The following THADA variants were observed in gnomAD, a reference collection of about 807,000 sequenced individuals.
THADA encodes tRNA (32-2'-O)-methyltransferase regulator THADA.
Under a neutral mutation model 219.8 loss-of-function variants are expected in THADA, and 213 were observed. That is an observed-to-expected ratio of 0.97 (90% CI 0.87 to 1.09). The LOEUF is 1.09. THADA is among the 50% of genes least tolerant of loss of function. THADA has a pLI of 0.00. For missense variants in THADA, 2,956 were observed against 2,311.3 expected (o/e 1.28, Z -5.72); for synonymous variants, 1,018 against 828.9 (o/e 1.23, Z -3.92).
rs1170878531 is a variant in THADA, at chr2:43,552,201, T to C, written c.2810+3A>G. ...GACAGGAGGCAGCTGTGGAAATCCT[T>C]ACTTTAGAGATAACTTCTGCAAAGC... is the stretch of plus-strand genomic sequence containing the variant. On this transcript the variant is annotated splice_donor_region_variant and intron_variant, in intron 18 of 37. Transcript: ENST00000405975. 1.9e-6 allele frequency: 3 copies of C among 1,605,180 alleles called. No individual in the cohort carries two copies. Among genetic ancestry groups the C allele is most frequent in the Non-Finnish European group, 2.5e-6 (3 of 1,176,874 alleles).
At chr2:43,489,010 T>C (rs1553461399) in intron 25 of THADA, among the ~76,000 whole-genome samples, 1 of 152,198 alleles carries the variant, frequency 6.6e-6, no homozygotes, top group Non-Finnish European at 1.5e-5. Flanking sequence ...TGGGTTGTCG[T>C]TTATTATTGA....
At chr2:43,588,346 ATTACAG>A (rs1160407048) in intron 4 of THADA, among the ~76,000 whole-genome samples, 1 of 152,060 alleles carries the variant, frequency 6.6e-6, no homozygotes, top group African/African-American at 2.4e-5. Flanking sequence ...ATAATCTTGT[ATTACAG>A]AAAGCACATA....
intron 31 of THADA, among the ~76,000 whole-genome samples, chr2:43,293,730 C>T (rs1468881335): frequency 6.6e-6 from 1 of 152,158 alleles, no homozygotes; most frequent in Non-Finnish European, 1.5e-5. Context: ...TTGAGGCTCC[C>T]AATGACAGCT....
chr2:43,390,542 TCTC>T (rs1312194480), intron 29 of THADA, among the ~76,000 whole-genome samples: 2 of 152,182 alleles, frequency 1.3e-5, no homozygotes, highest in African/African-American at 4.8e-5. Context: ...ACTGCCCTCC[TCTC>T]CTATCTATTC....
intron 25 of THADA, among the ~76,000 whole-genome samples, chr2:43,497,710 C>T (rs1688440434): frequency 6.6e-6 from 1 of 152,084 alleles, no homozygotes; most frequent in South Asian, 2.1e-4. Flanking sequence ...CATAGTGAAA[C>T]CCTCTCTCTA....
intron 26 of THADA, among the ~76,000 whole-genome samples, chr2:43,464,971 C>A (rs528215336): frequency 1.3e-5 from 2 of 151,956 alleles, no homozygotes; most frequent in Admixed American, 6.6e-5. Context: ...AAAACCCTGC[C>A]GGCAAAGACC....
intron 30 of THADA, among the ~76,000 whole-genome samples, chr2:43,336,397 G>A (rs1280797959): frequency 3.3e-5 from 5 of 151,728 alleles, no homozygotes; most frequent in Admixed American, 1.3e-4. Flanking sequence ...TCAGCCTCCC[G>A]AGTAGCTGGG....
At position 43,273,038 on chromosome 2, in the gene THADA, C is replaced by A. The variant is rs183757600; in HGVS notation, c.5296+6727G>T. Among the ~76,000 whole-genome samples, 220 of 152,034 alleles carry A rather than the reference C, an allele frequency of 1.4e-3. 1 individual carries two copies. The highest frequency in any genetic ancestry group is 5.0e-3 in the African/African-American group (208 of 41,504). On this transcript the variant is annotated intron_variant, in intron 36 of 37. Coordinates refer to ENST00000405975, the MANE Select transcript of THADA (RefSeq NM_022065.5). ...CCAAGGCGGGCAGATTACTTGAGGTCAGGAGTTCAAGACCAGCCTGGGCAA... is the reference window on the plus strand; with the variant it reads ...CCAAGGCGGGCAGATTACTTGAGGTAAGGAGTTCAAGACCAGCCTGGGCAA...
At chr2:43,300,871 C>T (rs564757894) in intron 31 of THADA, among the ~76,000 whole-genome samples, 1 of 152,304 alleles carries the variant, frequency 6.6e-6, no homozygotes, top group African/African-American at 2.4e-5. Flanking sequence ...GGACTGCTGC[C>T]TCGACCTCAC....
intron 21 of THADA, among the ~76,000 whole-genome samples, chr2:43,536,370 C>G (rs1026524419): frequency 2.0e-5 from 3 of 152,080 alleles, no homozygotes; most frequent in African/African-American, 7.2e-5. Flanking sequence ...ATTTTGAAGT[C>G]TGGTAGTATG....
At chr2:43,324,634 A>G (rs1425064954) in intron 30 of THADA, among the ~76,000 whole-genome samples, 2 of 152,176 alleles carry the variant, frequency 1.3e-5, no homozygotes, top group Non-Finnish European at 2.9e-5. Context: ...AATTTTTTTC[A>G]TTCTTTTTCT....
intron 30 of THADA, among the ~76,000 whole-genome samples, chr2:43,339,429 T>G (rs1259077588): frequency 1.3e-5 from 2 of 152,140 alleles, no homozygotes; most frequent in African/African-American, 4.8e-5. Flanking sequence ...TACAGGCGTG[T>G]GCCACCACTC....
At chr2:43,514,571 CATATATGTATATTTT>C (rs989529051) in intron 22 of THADA, among the ~76,000 whole-genome samples, 39 of 103,664 alleles carry the variant, frequency 3.8e-4, no homozygotes, top group Admixed American at 1.6e-3. Context: ...ATATACATAA[CATATATGTATATTTT>C]ATATATGTAT....
chr2:43,578,146 T>C (rs1192368809), intron 9 of THADA, among the ~76,000 whole-genome samples: 1 of 151,696 alleles, frequency 6.6e-6, no homozygotes. Context: ...TCTTTAAAAA[T>C]ATTTTTAATT....
chr2:43,378,958 A>G (rs1252210648), intron 29 of THADA, among the ~76,000 whole-genome samples: 3 of 152,278 alleles, frequency 2.0e-5, no homozygotes, highest in African/African-American at 7.2e-5. Flanking sequence ...GACAACCTCA[A>G]CTGGAGGATA....
Position 43,541,151 on chromosome 2 carries a change from T to G in THADA, c.3264+8A>C, listed in dbSNP as rs1465426154. 1 of 1,540,196 alleles carries G rather than the reference T, an allele frequency of 6.5e-7. No individual in the cohort carries two copies. The highest frequency in any genetic ancestry group is 2.4e-5 in the East Asian group (1 of 41,766). On this transcript the variant is annotated splice_region_variant and intron_variant, in intron 21 of 37. Transcript: ENST00000405975. ...AATTATACATGGTGGAATAAACATG[T>G]GCCTTACCTGCTCCACCGTCAATAA...
intron 21 of THADA, among the ~76,000 whole-genome samples, chr2:43,533,821 T>A (rs549057782): frequency 1.3e-5 from 2 of 152,244 alleles, no homozygotes; most frequent in Admixed American, 1.3e-4. Context: ...GACAGGTTGA[T>A]AGGTGCAGCA....
At chr2:43,572,296 C>T (rs1048618736) in intron 12 of THADA, among the ~76,000 whole-genome samples, 1 of 152,146 alleles carries the variant, frequency 6.6e-6, no homozygotes. Flanking sequence ...TTAGTAAAAC[C>T]AGCTGGTGCC....
At chr2:43,332,695 C>A (rs1342908900) in intron 30 of THADA, among the ~76,000 whole-genome samples, 2 of 152,210 alleles carry the variant, frequency 1.3e-5, no homozygotes, top group Non-Finnish European at 2.9e-5. Flanking sequence ...AGCCTGCACT[C>A]CCTTGCAAGC....
Sources: gnomAD v4.1 joint callset for allele counts (sites outside exome capture counted in the v4.1 genomes callset) on GRCh38, gnomAD v4.1.1 for gene constraint, MANE v1.5 for transcripts, NCBI Gene and HGNC (gene_info 2026-07-23, HGNC 2026-07-21) for gene names.